PI4KA: variants seen among roughly 807,000 people sequenced by gnomAD.
The protein encoded by PI4KA is phosphatidylinositol 4-kinase alpha.
In PI4KA, 122 loss-of-function variants were observed where a neutral mutation model predicts 271.4. That is an observed-to-expected ratio of 0.45 (90% CI 0.39 to 0.52). The LOEUF (loss-of-function observed/expected upper bound fraction) is 0.52, where lower values mean the gene tolerates loss of function less well. Ranked by LOEUF, PI4KA falls within the 20% of genes least tolerant of loss-of-function variation. The pLI, the probability that PI4KA is intolerant of heterozygous loss-of-function variation, is 0.00. For synonymous variants in PI4KA, 1,041 were observed against 1,078.8 expected (o/e 0.96, Z 0.69); for missense variants, 1,969 against 2,769.1 (o/e 0.71, Z 6.48).
Position 20,733,740 on chromosome 22 carries a change from A to C in PI4KA, c.4156T>G (p.Phe1386Val). The C allele has an allele frequency of 5.0e-6, 8 of 1,613,844 alleles. No individual in the cohort carries two copies. Among genetic ancestry groups the C allele is most frequent in the Non-Finnish European group, 6.8e-6 (8 of 1,179,860 alleles). The change falls in exon 35 of 55, where the codon TTC (phenylalanine) becomes GTC (valine). Residue 1386 changes from phenylalanine (F) to valine (V), a missense_variant. Physicochemically the swap from Phe to Val is conservative, Grantham distance 50. Around this residue, in one of 13 missense-constraint regions of PI4KA, gnomAD observed 72 missense variants for 103.1 expected, o/e 0.70. Transcript: ENST00000255882. ...CAGCACATCTTGGGGGAGTACCTGAAGTAGTCAAAGGCAGTGGAGTAGATC... is the reference window on the plus strand; with the variant it reads ...CAGCACATCTTGGGGGAGTACCTGACGTAGTCAAAGGCAGTGGAGTAGATC... ...EKIYSTAFDY[F>V]SCPPKFPTQG...
At chr22:20,798,980 G>C in intron 16 of PI4KA, 113 bp downstream of exon 16, 1 of 852,188 alleles carries the variant, frequency 1.2e-6, no homozygotes, top group Non-Finnish European at 1.8e-6. Flanking sequence ...ACCGTTGTCA[G>C]CATTTAGCTC....
In PI4KA at chr22:20,759,691, G is replaced by A. The variant is rs921623011; in HGVS notation, c.2791+1613C>T. 3.3e-5 allele frequency among the ~76,000 whole-genome samples: 5 copies of A among 151,548 alleles called. No individual in the cohort carries two copies. In the East Asian group the frequency reaches 7.7e-4, roughly 23 times the overall value. On this transcript the variant is annotated intron_variant, in intron 23 of 54. Transcript: ENST00000255882. ...TGCCATTCTCCTGTCTCAGCCTCCC[G>A]AGTAGCTGGGACTACAGGCGCAGGC...
intron 1 of PI4KA, among the ~76,000 whole-genome samples, chr22:20,839,408 G>C (rs1379042068): frequency 6.6e-6 from 1 of 152,198 alleles, no homozygotes; most frequent in Non-Finnish European, 1.5e-5. Context: ...TACTCAGAGG[G>C]GGTAAGACAC....
intron 41 of PI4KA, 83 bp from the exon 42 acceptor site, chr22:20,726,624 G>A: frequency 1.6e-6 from 2 of 1,259,236 alleles, no homozygotes; most frequent in Middle Eastern, 1.9e-4. Flanking sequence ...CTCTGCTTCT[G>A]CTCTGCCCAC....
At chr22:20,812,317 T>A (rs1921150491) in intron 8 of PI4KA, among the ~76,000 whole-genome samples, 1 of 152,178 alleles carries the variant, frequency 6.6e-6, no homozygotes, top group African/African-American at 2.4e-5. Context: ...TATGTTGTAA[T>A]GTCTTCTTAC....
chr22:20,760,089 T>A (rs1248164809), intron 23 of PI4KA, among the ~76,000 whole-genome samples: 1 of 152,196 alleles, frequency 6.6e-6, no homozygotes, highest in Non-Finnish European at 1.5e-5. Context: ...CACCAACCTA[T>A]CAAAGGCTTC....
At chr22:20,771,904 A>G (rs1385242187) in intron 19 of PI4KA, among the ~76,000 whole-genome samples, 1 of 152,148 alleles carries the variant, frequency 6.6e-6, no homozygotes, top group African/African-American at 2.4e-5. Context: ...AAAAATAACA[A>G]AAGTAATACA....
chr22:20,842,906 C>G (rs1230066018), intron 1 of PI4KA, among the ~76,000 whole-genome samples: 1 of 151,238 alleles, frequency 6.6e-6, no homozygotes, highest in African/African-American at 2.4e-5. Context: ...ATCAGGAGAT[C>G]GAGACCACAG....
rs2845535 is a variant in PI4KA at position 20,718,149 on chromosome 22, A to G, written c.5247-371T>C. Among the ~76,000 whole-genome samples the G allele has an allele frequency of 6.9e-4, 105 of 152,266 alleles. 1 individual carries two copies. Among genetic ancestry groups the G allele is most frequent in the Admixed American group, 3.3e-3 (51 of 15,296 alleles). Reference sequence around the variant, plus strand: ...TTCTCAGCACCCAGCCCAGAAAAGGACCTCAAAGTGACCAAGGTCAGAGCA... The same window carrying G: ...TTCTCAGCACCCAGCCCAGAAAAGGGCCTCAAAGTGACCAAGGTCAGAGCA... On this transcript the variant is annotated intron_variant, in intron 44 of 54. Transcript: ENST00000255882.
chr22:20,714,796 T>C, intron 45 of PI4KA, 96 bp from the exon 46 acceptor site: 1 of 1,413,918 alleles, frequency 7.1e-7, no homozygotes, highest in Non-Finnish European at 9.6e-7. Flanking sequence ...GTGTCCACCC[T>C]GCAGGCACAC....
chr22:20,829,997 T>C (rs753663084), intron 3 of PI4KA, among the ~76,000 whole-genome samples: 8 of 152,220 alleles, frequency 5.3e-5, no homozygotes, highest in Non-Finnish European at 1.0e-4. Flanking sequence ...ATTTTTATTG[T>C]GCTGTGGCCC....
chr22:20,715,600 G>A (rs1478707482), intron 45 of PI4KA, among the ~76,000 whole-genome samples: 1 of 150,176 alleles, frequency 6.7e-6, no homozygotes, highest in Non-Finnish European at 1.5e-5. Context: ...TCAGCCTCCC[G>A]AGTAGCTGGA....
intron 43 of PI4KA, among the ~76,000 whole-genome samples, chr22:20,720,454 A>G (rs1926602345): frequency 6.6e-6 from 1 of 152,142 alleles, no homozygotes; most frequent in Non-Finnish European, 1.5e-5. Flanking sequence ...TGGGAGGATG[A>G]GGCAGGAGGA....
rs201255755 is a variant in PI4KA, at chr22:20,721,425, G to A, written c.4996-7C>T. 14 of 1,613,308 alleles carry A rather than the reference G, an allele frequency of 8.7e-6. No individual in the cohort carries two copies. The East Asian group carries it at 1.6e-4, about 18-fold the overall frequency. On this transcript the variant is annotated splice_polypyrimidine_tract_variant and splice_region_variant and intron_variant, in intron 42 of 54. Transcript: ENST00000255882. ...ACTCCCGCACATAGCCCATCTGCAG[G>A]AGAGCAAGGTCCCTGTCAGCCAGGC...
chr22:20,831,851 T>A (rs1359327037), intron 3 of PI4KA, among the ~76,000 whole-genome samples: 1 of 152,178 alleles, frequency 6.6e-6, no homozygotes, highest in Admixed American at 6.5e-5. Context: ...ATTTCCTGAA[T>A]TTGAATTTTG....
intron 19 of PI4KA, among the ~76,000 whole-genome samples, chr22:20,781,014 C>A (rs1369159602): frequency 1.3e-5 from 2 of 152,094 alleles, no homozygotes; most frequent in African/African-American, 2.4e-5. Context: ...AACTATTCAG[C>A]TTGAGCAGCT....
intron 48 of PI4KA, 143 bp from the exon 49 acceptor site, chr22:20,712,940 T>C (rs1397579857): frequency 1.1e-6 from 1 of 943,566 alleles, no homozygotes; most frequent in Non-Finnish European, 1.6e-6. Context: ...CTGGAAGGCC[T>C]TCCTTTCTGA....
intron 1 of PI4KA, among the ~76,000 whole-genome samples, chr22:20,857,703 A>C (rs1927776045): frequency 6.6e-6 from 1 of 152,196 alleles, no homozygotes; most frequent in Non-Finnish European, 1.5e-5. Flanking sequence ...TCTCAAGAAC[A>C]ACCTCATTTT....
chr22:20,821,241 G>A (rs112122158), intron 4 of PI4KA, among the ~76,000 whole-genome samples: 220 of 152,216 alleles, frequency 1.4e-3, no homozygotes, highest in African/African-American at 4.9e-3. Flanking sequence ...TGTTTGAGAC[G>A]AAGTTTCGCT....
Sources: gnomAD v4.1 joint callset for allele counts (sites outside exome capture counted in the v4.1 genomes callset) on GRCh38, gnomAD v4.1.1 for gene constraint, gnomAD v4.1.1 regional missense constraint, MANE v1.5 for transcripts, NCBI Gene and HGNC (gene_info 2026-07-23, HGNC 2026-07-21) for gene names.